SART3: variants seen among roughly 807,000 people sequenced by gnomAD.
SART3 encodes the protein spliceosome associated factor 3, U4/U6 recycling protein, also known as HIV-1 Tat-interacting protein of 110kDa.
Under a neutral mutation model 122.3 loss-of-function variants are expected in SART3, and 44 were observed. The ratio of observed to expected loss-of-function variants is 0.36; its 90% CI spans 0.28 to 0.46. The LOEUF (loss-of-function observed/expected upper bound fraction) is 0.46, where lower values mean the gene tolerates loss of function less well. Among genes scored for constraint, SART3 ranks in the 20% least tolerant of loss-of-function variants. SART3 has a pLI of 1.00. For synonymous variants in SART3, 442 were observed against 454.0 expected, an observed-to-expected ratio of 0.97 and a Z score of 0.34; for missense variants, 1,101 against 1,229.0, an observed-to-expected ratio of 0.90 and a Z score of 1.56.
chr12:108,548,899 A>G (rs2029883695), intron 2 of SART3, among the ~76,000 whole-genome samples, 189 bp downstream of exon 2: 1 of 152,254 alleles, frequency 6.6e-6, no homozygotes, highest in Admixed American at 6.5e-5. Context: ...AATCCGTGTT[A>G]TATGATCATA....
rs775674433 is a variant in SART3 at position 108,549,176 on chromosome 12, G to C, written c.351C>G (p.Asp117Glu). Residue 117 changes from aspartate to glutamate, a missense_variant, in exon 2 of 19, where the codon GAC becomes GAG. Asp to Glu is a conservative substitution (Grantham distance 45). Around this residue, in one of 2 missense-constraint regions of SART3, gnomAD observed 885 missense variants for 1,080.1 expected, o/e 0.82. Coordinates refer to ENST00000546815, the MANE Select transcript of SART3 (RefSeq NM_014706.4). ...INVYDYNCHV[D>E]LIRLLRLEGE... ...CTTCCAGCCTGAGCAGTCTGATCAA[G>C]TCCACATGGCAGTTGTAGTCATAGA... 2 of 1,614,064 alleles carry C rather than the reference G, an allele frequency of 1.2e-6. No individual in the cohort carries two copies. The highest frequency in any genetic ancestry group is 2.2e-5 in the South Asian group (2 of 91,096).
intron 8 of SART3, 61 bp from the exon 9 acceptor site, chr12:108,537,656 CT>C: frequency 8.5e-7 from 1 of 1,171,492 alleles, no homozygotes; most frequent in Admixed American, 1.8e-5. Context: ...TAGAAAGTCA[CT>C]ACATTCTACT....
At position 108,525,606 on chromosome 12, in the gene SART3, A is replaced by C; in HGVS notation, c.2374T>G (p.Phe792Val). The change falls in exon 17 of 19, where the codon TTC becomes GTC. Residue 792 changes from phenylalanine to valine, a missense_variant. By Grantham distance (50) the Phe-to-Val change is conservative. This residue lies in a region of SART3 where 885 missense variants were observed against 1,080.1 expected (regional missense o/e 0.82). Transcript: ENST00000546815. The part of the protein sequence containing the change: ...DKSKNPDFKV[F>V]RYSTSLEKHK... ...TTCTCTAGGGAAGTGCTGTACCTGA[A>C]CACCTATAGGAAGAAGGAAGACAGA... The C allele has an allele frequency of 6.2e-7, 1 of 1,614,094 alleles. No homozygotes were observed. The highest frequency in any genetic ancestry group is 8.5e-7 in the Non-Finnish European group (1 of 1,179,966).
At chr12:108,541,880 G>A (rs1478562143) in intron 6 of SART3, among the ~76,000 whole-genome samples, 2 of 151,856 alleles carry the variant, frequency 1.3e-5, no homozygotes, top group Admixed American at 6.6e-5. Context: ...TGTCACTTAG[G>A]TGACAATGCA....
chr12:108,528,131 G>A (rs1872477449), intron 15 of SART3, among the ~76,000 whole-genome samples: 1 of 152,156 alleles, frequency 6.6e-6, no homozygotes, highest in Non-Finnish European at 1.5e-5. Context: ...GCCCGTCCCT[G>A]AAATTACAAG....
intron 1 of SART3, chr12:108,560,632 A>C (rs1442179096): frequency 1.9e-6 from 1 of 518,594 alleles, no homozygotes; most frequent in Non-Finnish European, 3.4e-6. Context: ...GGCTTCCTTC[A>C]CAGGGTCGTG....
upstream of SART3, chr12:108,561,173 C>CTCG (rs751936561): frequency 1.2e-6 from 2 of 1,602,862 alleles, no homozygotes; most frequent in Non-Finnish European, 1.7e-6. Flanking sequence ...TCTAATGACT[C>CTCG]TCGGGTCTTC....
At chr12:108,550,577 A>T (rs1209818325) in intron 1 of SART3, among the ~76,000 whole-genome samples, 4 of 152,170 alleles carry the variant, frequency 2.6e-5, no homozygotes, top group African/African-American at 7.2e-5. Context: ...AAATAAATCA[A>T]GATGGCTGGG....
intron 1 of SART3, among the ~76,000 whole-genome samples, chr12:108,555,709 G>A (rs1366089935): frequency 6.6e-6 from 1 of 152,144 alleles, no homozygotes; most frequent in Non-Finnish European, 1.5e-5. Flanking sequence ...GGAGTTATAT[G>A]CATGTTCTGG....
Position 108,561,117 on chromosome 12 carries a change from T to A in SART3, c.38A>T (p.Glu13Val), listed in dbSNP as rs1051606486. 6.2e-7 allele frequency: 1 copy of A among 1,613,670 alleles called. No homozygotes were observed. The highest frequency in any genetic ancestry group is 1.7e-5 in the Admixed American group (1 of 60,024). The change falls in exon 1 of 19, where the codon GAG becomes GTG. Residue 13 changes from glutamate to valine, a missense_variant. By Grantham distance (121) the Glu-to-Val change is moderately radical. Around this residue, in one of 2 missense-constraint regions of SART3, gnomAD observed 216 missense variants for 148.9 expected, o/e 1.45. Coordinates refer to ENST00000546815, the MANE Select transcript of SART3 (RefSeq NM_014706.4). The part of the protein sequence containing the change: ...TAAETSASEP[E>V]AESKAGPKAD... ...CTTGGGCCCAGCCTTGGACTCAGCC[T>A]CGGGTTCTGAAGCCGAGGTTTCGGC...
intron 4 of SART3, 38 bp downstream of exon 4, chr12:108,545,101 C>T (rs1191496068): frequency 6.3e-7 from 1 of 1,597,016 alleles, no homozygotes; most frequent in Admixed American, 1.7e-5. Flanking sequence ...CTTACAAAGA[C>T]AGCCCCAACC....
rs545572069 is a variant in SART3, at chr12:108,529,290, TGCACAC to T, written c.1915+846_1915+851del. ...ATATGGTCATAAATATGTGTACACA[TGCACAC>T]GCACACGCACACACACACACACTCC... is the stretch of plus-strand genomic sequence containing the variant. On this transcript the variant is annotated intron_variant, in intron 15 of 18. Coordinates refer to ENST00000546815, the MANE Select transcript of SART3 (RefSeq NM_014706.4). Among the ~76,000 whole-genome samples the T allele has an allele frequency of 1.3e-3, 203 of 152,202 alleles. 1 individual carries two copies. The highest frequency in any genetic ancestry group is 3.5e-3 in the African/African-American group (145 of 41,542).
intron 1 of SART3, among the ~76,000 whole-genome samples, chr12:108,550,302 C>G (rs1268200465): frequency 1.3e-5 from 2 of 152,070 alleles, no homozygotes; most frequent in Non-Finnish European, 2.9e-5. Context: ...ACAGGAAGAG[C>G]AGAAATACGG....
intron 15 of SART3, among the ~76,000 whole-genome samples, chr12:108,527,743 A>G (rs1872453469): frequency 6.6e-6 from 1 of 152,166 alleles, no homozygotes; most frequent in Non-Finnish European, 1.5e-5. Flanking sequence ...GAGTCCTTTC[A>G]AGTCCAGAGA....
Position 108,537,046 on chromosome 12 carries a change from G to A in SART3, c.1310-261C>T, listed in dbSNP as rs1015016301. 9.7e-6 allele frequency: 5 copies of A among 514,926 alleles called. 1 individual carries two copies. The South Asian group carries it at 1.0e-4, about 11-fold the overall frequency. The allele number at this position is 514,926 out of a possible 1,614,324, so 31.9% of individuals were successfully genotyped here. ...AGTCTCCCCCAGCTGGGGTGACACA[G>A]GCAAACAAGAGAATGGCTAAAGGCT... is the stretch of plus-strand genomic sequence containing the variant. On this transcript the variant is annotated intron_variant, in intron 9 of 18. Transcript: ENST00000546815.
Position 108,532,331 on chromosome 12 carries a change from A to G in SART3, c.1560T>C (p.Ala520=). 1 of 1,613,806 alleles carries G rather than the reference A, an allele frequency of 6.2e-7. No homozygotes were observed. Among genetic ancestry groups the G allele is most frequent in the South Asian group, 1.1e-5 (1 of 91,068 alleles). ...MWLEYYNLER[A]HGDTQHCRKA... is the part of the protein sequence containing the mutation. Reference sequence around the variant, plus strand: ...TCCGGCAGTGCTGGGTGTCACCATGAGCTCTAAGGCAGAAAACAAAAAGTT... The same window carrying G: ...TCCGGCAGTGCTGGGTGTCACCATGGGCTCTAAGGCAGAAAACAAAAAGTT... Residue 520 remains alanine, a synonymous_variant, in exon 13 of 19, where the codon GCT becomes GCC. Coordinates refer to ENST00000546815, the MANE Select transcript of SART3 (RefSeq NM_014706.4).
intron 9 of SART3, 25 bp downstream of exon 9, chr12:108,537,463 A>C: frequency 6.4e-7 from 1 of 1,560,088 alleles, no homozygotes. Flanking sequence ...TTCAGCTCTA[A>C]AGTGAAAAAC....
intron 17 of SART3, chr12:108,524,763 T>C (rs911837239): frequency 5.4e-5 from 30 of 560,216 alleles, no homozygotes; most frequent in Non-Finnish European, 9.3e-5. Context: ...TTGTACGTGC[T>C]GCAGAAGTAG....
rs1873505562 is a variant in SART3 at position 108,547,945 on chromosome 12, A to T, written c.486T>A (p.Asp162Glu). 1 of 1,613,800 alleles carries T rather than the reference A, an allele frequency of 6.2e-7. No homozygotes were observed. The highest frequency in any genetic ancestry group is 8.5e-7 in the Non-Finnish European group (1 of 1,180,014). ...CATACACGTGCTCTCTGTCCAGGCC[A>T]TCCTGGGCCATGCTGATCTCGTCAT... Reference protein sequence around the residue: ...WLHDEISMAQDGLDREHVYDL... With the variant: ...WLHDEISMAQEGLDREHVYDL... The change falls in exon 3 of 19, where the codon GAT becomes GAA. Residue 162 changes from aspartate (D) to glutamate (E), a missense_variant. Physicochemically the swap from Asp to Glu is conservative, Grantham distance 45. Coordinates refer to ENST00000546815, the MANE Select transcript of SART3 (RefSeq NM_014706.4).
Sources: allele counts gnomAD v4.1 joint callset (sites outside exome capture counted in the v4.1 genomes callset), GRCh38; gene constraint gnomAD v4.1.1; regional missense constraint gnomAD v4.1.1; transcripts MANE v1.5; gene names NCBI Gene and HGNC (gene_info 2026-07-23, HGNC 2026-07-21).